The following POLA1 variants were observed in gnomAD, a reference collection of about 807,000 sequenced individuals.
POLA1 encodes the protein DNA polymerase alpha 1, catalytic subunit.
Under a neutral mutation model 124.0 loss-of-function variants are expected in POLA1, and 15 were observed. The observed-to-expected ratio is 0.12, with a 90% CI of 0.08 to 0.19. The LOEUF is 0.19. POLA1 is among the 10% of genes least tolerant of loss of function. POLA1 has a pLI of 1.00. For missense variants in POLA1, 886 were observed against 1,103.4 expected (o/e 0.80, Z 2.79); for synonymous variants, 408 against 389.4 (o/e 1.05, Z -0.56).
intron 34 of POLA1, among the ~76,000 whole-genome samples, chrX:24,853,649 C>G (rs1304820703): frequency 8.9e-6 from 1 of 112,245 alleles, no homozygotes; most frequent in African/African-American, 3.2e-5. Context: ...TAATTGAAAG[C>G]TAGAAATTTG....
At chrX:24,892,114 G>A (rs760114122) in intron 35 of POLA1, among the ~76,000 whole-genome samples, 3 of 110,942 alleles carry the variant, frequency 2.7e-5, no homozygotes, top group South Asian at 3.9e-4. Flanking sequence ...GGTTTTACAC[G>A]TGTATCTTCT....
chrX:24,836,524 T>C (rs749094171), intron 32 of POLA1, among the ~76,000 whole-genome samples: 8 of 112,352 alleles, frequency 7.1e-5, no homozygotes, highest in Admixed American at 1.9e-4. Flanking sequence ...GGTAAGATAG[T>C]GTTTTCCATC....
intron 34 of POLA1, among the ~76,000 whole-genome samples, chrX:24,844,419 C>G (rs1490299066): frequency 9.2e-6 from 1 of 108,115 alleles, no homozygotes; most frequent in Non-Finnish European, 1.9e-5. Flanking sequence ...AACAAATTTT[C>G]TGTTACTTGA....
chrX:24,726,106 C>T, intron 13 of POLA1, 51 bp downstream of exon 13: 1 of 820,087 alleles, frequency 1.2e-6, no homozygotes, highest in Admixed American at 2.5e-5. Context: ...TGACATTTTT[C>T]TGTTTTTGAA....
chrX:24,784,357 T>TATATTTCTAA (rs1385053374), intron 26 of POLA1, among the ~76,000 whole-genome samples: 2 of 111,436 alleles, frequency 1.8e-5, no homozygotes, highest in Non-Finnish European at 3.8e-5. Context: ...GGCCAAGATT[T>TATATTTCTAA]ATATTTCTAA....
chrX:24,758,917 C>G (rs763810181), intron 26 of POLA1, among the ~76,000 whole-genome samples: 9 of 111,200 alleles, frequency 8.1e-5, no homozygotes, highest in Non-Finnish European at 1.7e-4. Context: ...CCTTGGCCTC[C>G]CAAAGTGCTG....
At chrX:24,814,831 A>G (rs748447941) in intron 29 of POLA1, 148 bp from the exon 30 acceptor site, 36 of 497,208 alleles carry the variant, frequency 7.2e-5, no homozygotes, top group Non-Finnish European at 1.0e-4. Context: ...CGCCTTTTCG[A>G]CATTAACCCT....
chrX:24,916,287 C>CT (rs1301083848), intron 35 of POLA1, among the ~76,000 whole-genome samples: 1,297 of 95,103 alleles, frequency 0.014, 14 homozygotes, highest in Non-Finnish European at 0.019. Context: ...TTTCTTTTTT[C>CT]TTTTTTTTTT....
chrX:24,896,782 A>G (rs1439008823), intron 35 of POLA1, among the ~76,000 whole-genome samples: 1 of 112,568 alleles, frequency 8.9e-6, no homozygotes, highest in African/African-American at 3.2e-5. Flanking sequence ...TATAGAAGGC[A>G]AGGCATCTAG....
intron 35 of POLA1, among the ~76,000 whole-genome samples, chrX:24,910,697 A>T (rs1157564054): frequency 9.8e-5 from 11 of 112,074 alleles, no homozygotes; most frequent in African/African-American, 3.6e-4. Context: ...GTCACCAAGA[A>T]TAACAAATAA....
chrX:24,899,547 C>A (rs1476535830), intron 35 of POLA1, among the ~76,000 whole-genome samples: 1 of 111,280 alleles, frequency 9.0e-6, no homozygotes, highest in Non-Finnish European at 1.9e-5. Flanking sequence ...GCACCGAATT[C>A]CTGGTGGAAA....
intron 26 of POLA1, among the ~76,000 whole-genome samples, chrX:24,771,970 T>C (rs1332127862): frequency 8.9e-6 from 1 of 112,144 alleles, no homozygotes; most frequent in Non-Finnish European, 1.9e-5. Context: ...CATATACATA[T>C]GCACACGTAT....
In POLA1 at chrX:24,732,373, A is replaced by G; in HGVS notation, c.1690A>G (p.Ile564Val). ...QNAKNHQNEI[I>V]AMAALVHHSF... ...TTTTTTCCTCCTTTCTTTGCAGATT[A>G]TTGCTATGGCAGCTTTGGTCCATCA... Residue 564 changes from isoleucine (I) to valine (V), a missense_variant, in exon 16 of 37, where the codon ATT (isoleucine) becomes GTT (valine). Ile to Val is a conservative substitution (Grantham distance 29). Coordinates refer to ENST00000379068, the MANE Select transcript of POLA1 (RefSeq NM_001330360.2). 8.4e-7 allele frequency: 1 copy of G among 1,186,591 alleles called. No homozygotes were observed. Among genetic ancestry groups the G allele is most frequent in the South Asian group, 1.8e-5 (1 of 56,266 alleles).
At chrX:24,953,841 A>G (rs11573498) in intron 36 of POLA1, among the ~76,000 whole-genome samples, 208 of 112,020 alleles carry the variant, frequency 1.9e-3, no homozygotes, top group South Asian at 7.9e-3. Context: ...ATTACATATT[A>G]ATTAGGGAGA....
chrX:24,895,436 G>A (rs1295794538), intron 35 of POLA1, among the ~76,000 whole-genome samples: 1 of 112,463 alleles, frequency 8.9e-6, no homozygotes, highest in Non-Finnish European at 1.9e-5. Context: ...AGAAAAGGCT[G>A]AAGGATCCAA....
chrX:24,902,712 A>G (rs2047298777), intron 35 of POLA1, among the ~76,000 whole-genome samples: 1 of 111,461 alleles, frequency 9.0e-6, no homozygotes, highest in Admixed American at 9.6e-5. Context: ...GTGTGTTCCT[A>G]AAAATCACTA....
chrX:24,704,267 C>G (rs770899737), intron 3 of POLA1, 122 bp from the exon 4 acceptor site: 3 of 521,212 alleles, frequency 5.8e-6, no homozygotes, highest in African/African-American at 4.7e-5. Flanking sequence ...TTCTGCTGCA[C>G]TTAAAAATAG....
intron 4 of POLA1, among the ~76,000 whole-genome samples, chrX:24,709,491 C>T (rs1350717867): frequency 2.8e-5 from 2 of 71,152 alleles, no homozygotes; most frequent in African/African-American, 4.8e-5. Flanking sequence ...CGGGGGCTGA[C>T]CCCCCCCACC....
intron 36 of POLA1, among the ~76,000 whole-genome samples, chrX:24,988,859 G>C (rs1307310579): frequency 9.0e-6 from 1 of 111,216 alleles, no homozygotes; most frequent in Admixed American, 9.6e-5. Flanking sequence ...CTAGCTACTC[G>C]GGAGGATGAG....
Sources: allele counts gnomAD v4.1 joint callset (sites outside exome capture counted in the v4.1 genomes callset), GRCh38; gene constraint gnomAD v4.1.1; transcripts MANE v1.5; gene names NCBI Gene and HGNC (gene_info 2026-07-23, HGNC 2026-07-21).